Variants in PLPP4 observed in about 807,000 individuals in gnomAD.
The protein encoded by PLPP4 is phospholipid phosphatase 4.
A neutral mutation model predicts 32.2 loss-of-function variants in PLPP4; 20 were observed. The observed-to-expected ratio is 0.62, with a 90% CI of 0.44 to 0.90. PLPP4 has a LOEUF of 0.90. Among genes scored for constraint, PLPP4 ranks in the 40% least tolerant of loss-of-function variants. The pLI, the probability that PLPP4 is intolerant of heterozygous loss-of-function variation, is 0.00. For synonymous variants in PLPP4, 127 were observed against 133.0 expected (o/e 0.95, Z 0.31); for missense variants, 257 against 353.1 (o/e 0.73, Z 2.18).
intron 5 of PLPP4, among the ~76,000 whole-genome samples, chr10:120,552,874 A>G (rs752675921): frequency 1.3e-4 from 20 of 152,228 alleles, no homozygotes; most frequent in Non-Finnish European, 2.1e-4. Context: ...AGTTGATGGA[A>G]TTGATGCAGG....
intron 1 of PLPP4, among the ~76,000 whole-genome samples, chr10:120,498,564 A>G (rs925391946): frequency 5.9e-5 from 9 of 152,174 alleles, no homozygotes; most frequent in African/African-American, 1.7e-4. Flanking sequence ...GTGAGATGCA[A>G]TGATACAATG....
chr10:120,459,279 C>G (rs1026162666), intron 1 of PLPP4, among the ~76,000 whole-genome samples: 1 of 152,104 alleles, frequency 6.6e-6, no homozygotes, highest in African/African-American at 2.4e-5. Flanking sequence ...TGGATGACTC[C>G]CAGGTTTCTT....
At chr10:120,521,653 T>C (rs1846162384) in intron 5 of PLPP4, among the ~76,000 whole-genome samples, 1 of 152,226 alleles carries the variant, frequency 6.6e-6, no homozygotes, top group African/African-American at 2.4e-5. Flanking sequence ...GACAGGTCTC[T>C]GAAGTCTAAC....
chr10:120,457,152 G>A, upstream of PLPP4: 2 of 330,114 alleles, frequency 6.1e-6, no homozygotes, highest in Non-Finnish European at 1.0e-5. Flanking sequence ...AGCCCTCCCC[G>A]GCGCCTGCCC....
chr10:120,565,223 G>A (rs1848628795), intron 5 of PLPP4, among the ~76,000 whole-genome samples: 2 of 151,944 alleles, frequency 1.3e-5, no homozygotes, highest in Admixed American at 6.6e-5. Context: ...CCACAGATAT[G>A]CCAGTATCTT....
intron 5 of PLPP4, among the ~76,000 whole-genome samples, chr10:120,529,279 A>G (rs1291183770): frequency 6.6e-6 from 1 of 152,136 alleles, no homozygotes; most frequent in Admixed American, 6.6e-5. Flanking sequence ...CCTGCAGGGC[A>G]CAGGACAGCC....
chr10:120,580,220 G>A (rs1309249163), intron 6 of PLPP4, among the ~76,000 whole-genome samples: 1 of 151,948 alleles, frequency 6.6e-6, no homozygotes, highest in Non-Finnish European at 1.5e-5. Context: ...TTAAAATATA[G>A]GGTTTCTCTA....
chr10:120,561,031 T>G lies in PLPP4; in HGVS notation c.446-14100T>G, dbSNP rs78388450. Among the ~76,000 whole-genome samples the G allele has an allele frequency of 8.1e-3, 1,240 of 152,268 alleles. 22 individuals carry two copies. The highest frequency in any genetic ancestry group is 0.029 in the African/African-American group (1,191 of 41,540). On this transcript the variant is annotated intron_variant, in intron 5 of 6. Transcript: ENST00000398250. ...AATTTTCAGTCACCAACCTCCAAGTTTTCATTTGAGTAGATTTCCTCTCAC... is the reference window on the plus strand; with the variant it reads ...AATTTTCAGTCACCAACCTCCAAGTGTTCATTTGAGTAGATTTCCTCTCAC...
At chr10:120,516,652 T>C (rs1845946139) in intron 3 of PLPP4, among the ~76,000 whole-genome samples, 1 of 152,238 alleles carries the variant, frequency 6.6e-6, no homozygotes, top group South Asian at 2.1e-4. Flanking sequence ...GGTTTGTCTT[T>C]TTGACTCTTC....
At chr10:120,483,787 C>G (rs1191175662) in intron 1 of PLPP4, among the ~76,000 whole-genome samples, 1 of 152,184 alleles carries the variant, frequency 6.6e-6, no homozygotes, top group Admixed American at 6.5e-5. Flanking sequence ...CCCACTGTCT[C>G]TTACTTTTTT....
intron 1 of PLPP4, among the ~76,000 whole-genome samples, chr10:120,479,101 C>T (rs537634882): frequency 6.6e-6 from 1 of 152,294 alleles, no homozygotes; most frequent in South Asian, 2.1e-4. Flanking sequence ...TGGTGGGCGC[C>T]TGTAGTCCCA....
Position 120,589,739 on chromosome 10 carries a change from AGGTGGGGTT to A in PLPP4, c.*238_*246del. The stretch of plus-strand genomic sequence containing the variant: ...GAGAGACGTGTGGAAGAGGCTGTGA[AGGTGGGGTT>A]TGGGGAGCTTGGCCGATTCGTCTAT... On this transcript the variant is annotated 3_prime_UTR_variant, in exon 7 of 7. Transcript: ENST00000398250. 3.9e-6 allele frequency: 2 copies of A among 511,722 alleles called. No homozygotes were observed. Among genetic ancestry groups the A allele is most frequent in the Admixed American group, 3.5e-5 (1 of 28,508 alleles). 31.7% of individuals were successfully genotyped at this position (511,722 alleles called of 1,614,324 possible).
rs114916112 is a variant in PLPP4, at chr10:120,546,784, C to G, written c.445+25689C>G. Among the ~76,000 whole-genome samples, 328 of 152,334 alleles carry G rather than the reference C, an allele frequency of 2.2e-3. 1 individual carries two copies. The highest frequency in any genetic ancestry group is 6.7e-3 in the African/African-American group (277 of 41,594). ...AAACTTCCTAGAAACCTTTGATTAT[C>G]AAGATCCACATTTGCTTCTCCATAT... On this transcript the variant is annotated intron_variant, in intron 5 of 6. Coordinates refer to ENST00000398250, the MANE Select transcript of PLPP4 (RefSeq NM_001030059.3).
chr10:120,531,814 CAT>C (rs201385422), intron 5 of PLPP4, among the ~76,000 whole-genome samples: 2,193 of 150,858 alleles, frequency 0.015, 65 homozygotes, highest in African/African-American at 0.05. Context: ...AACCACAGTA[CAT>C]ATATATATAT....
At chr10:120,546,794 A>C (rs943077923) in intron 5 of PLPP4, among the ~76,000 whole-genome samples, 1 of 152,178 alleles carries the variant, frequency 6.6e-6, no homozygotes, top group Non-Finnish European at 1.5e-5. Context: ...CAAGATCCAC[A>C]TTTGCTTCTC....
intron 1 of PLPP4, among the ~76,000 whole-genome samples, chr10:120,481,784 G>A (rs1455122634): frequency 1.3e-5 from 2 of 152,228 alleles, no homozygotes; most frequent in Non-Finnish European, 2.9e-5. Context: ...GATACGGTTT[G>A]ACTGTGTCCC....
At chr10:120,498,457 G>C (rs574195028) in intron 1 of PLPP4, among the ~76,000 whole-genome samples, 1 of 152,244 alleles carries the variant, frequency 6.6e-6, no homozygotes, top group East Asian at 1.9e-4. Context: ...CTTGTAATCT[G>C]TTAGAGTTCC....
chr10:120,516,346 C>T (rs1219890987), intron 3 of PLPP4, among the ~76,000 whole-genome samples: 3 of 152,166 alleles, frequency 2.0e-5, no homozygotes, highest in Non-Finnish European at 4.4e-5. Context: ...CAAGTGCTGC[C>T]CTCATCTCCA....
At chr10:120,498,397 C>A (rs1845070717) in intron 1 of PLPP4, among the ~76,000 whole-genome samples, 1 of 152,170 alleles carries the variant, frequency 6.6e-6, no homozygotes, top group Non-Finnish European at 1.5e-5. Context: ...CACACCTATA[C>A]AGTGTCATTA....
Sources: gnomAD v4.1 joint callset for allele counts (sites outside exome capture counted in the v4.1 genomes callset) on GRCh38, gnomAD v4.1.1 for gene constraint, MANE v1.5 for transcripts, NCBI Gene and HGNC (gene_info 2026-07-23, HGNC 2026-07-21) for gene names.